Variants in FAN1 observed in about 807,000 individuals in gnomAD.
FAN1 encodes the protein fanconi-associated nuclease 1.
FAN1 carries 91 observed loss-of-function variants against 104.9 expected under a neutral mutation model. The ratio of observed to expected loss-of-function variants is 0.87; its 90% CI spans 0.73 to 1.03. FAN1 has a LOEUF of 1.03. Among genes scored for constraint, FAN1 ranks in the 50% least tolerant of loss-of-function variants. FAN1 has a pLI of 0.00. For synonymous variants in FAN1, 478 were observed against 457.6 expected (o/e 1.04, Z -0.57); for missense variants, 1,263 against 1,239.9 (o/e 1.02, Z -0.28).
intron 14 of FAN1, chr15:30,940,238 A>G: frequency 1.0e-6 from 1 of 985,320 alleles, no homozygotes; most frequent in Non-Finnish European, 1.2e-6. Context: ...TTTGACCGCT[A>G]CAGTGGTAGG....
At chr15:30,941,448 A>G in intron 14 of FAN1, 118 bp from the exon 15 acceptor site, 2 of 1,579,694 alleles carry the variant, frequency 1.3e-6, no homozygotes, top group Non-Finnish European at 1.7e-6. Flanking sequence ...CTTCCCTCAA[A>G]ATGTTCAGAA....
intron 1 of FAN1, among the ~76,000 whole-genome samples, 190 bp downstream of exon 1, chr15:30,904,201 C>T (rs1280250444): frequency 6.6e-6 from 1 of 152,186 alleles, no homozygotes; most frequent in East Asian, 1.9e-4. Context: ...CTCCATCTCA[C>T]TCAGAAAAAG....
chr15:30,936,402 CAAG>C (rs71106653), intron 13 of FAN1, among the ~76,000 whole-genome samples: 24,911 of 151,920 alleles, frequency 0.16, 2,855 homozygotes, highest in African/African-American at 0.33. Flanking sequence ...CTGGTCATGG[CAAG>C]AAGGTTAGAT....
chr15:30,916,390 A>G (rs956268144), intron 5 of FAN1, among the ~76,000 whole-genome samples: 1 of 152,168 alleles, frequency 6.6e-6, no homozygotes, highest in African/African-American at 2.4e-5. Flanking sequence ...TGCCTACTAC[A>G]TGTTCATTAT....
At chr15:30,929,654 T>C (rs1280028459) in intron 12 of FAN1, among the ~76,000 whole-genome samples, 2 of 115,906 alleles carry the variant, frequency 1.7e-5, no homozygotes, top group Admixed American at 2.2e-4. Flanking sequence ...ATATATAATA[T>C]AATATATGAA....
At chr15:30,926,650 A>G in intron 10 of FAN1, 1 of 985,176 alleles carries the variant, frequency 1.0e-6, no homozygotes, top group Non-Finnish European at 1.2e-6. Context: ...ATGCCAGTGA[A>G]GACAGAGAGA....
intron 5 of FAN1, 64 bp downstream of exon 5, chr15:30,914,155 G>C: frequency 7.9e-7 from 1 of 1,271,662 alleles, no homozygotes; most frequent in Non-Finnish European, 1.1e-6. Context: ...AAAAGGTTTT[G>C]TTATTTTTTT....
At chr15:30,915,563 AT>A (rs1328660749) in intron 5 of FAN1, among the ~76,000 whole-genome samples, 1 of 152,142 alleles carries the variant, frequency 6.6e-6, no homozygotes, top group Non-Finnish European at 1.5e-5. Context: ...GAGTCCAGAA[AT>A]TCGGGACTAG....
chr15:30,938,894 C>G (rs1287426149), intron 14 of FAN1: 2 of 984,108 alleles, frequency 2.0e-6, no homozygotes, highest in African/African-American at 3.5e-5. Context: ...TTCACCTCTT[C>G]TATCAATCAC....
chr15:30,937,951 C>T lies in FAN1; in HGVS notation c.*3+692C>T, dbSNP rs192915802. Reference sequence around the variant, plus strand: ...AATCCCAGCACTTTGGGAGGCTGAGCGAGGCAGGCGCATCATGAGGTCAAG... The same window carrying T: ...AATCCCAGCACTTTGGGAGGCTGAGTGAGGCAGGCGCATCATGAGGTCAAG... On this transcript the variant is annotated intron_variant, in intron 14 of 14. Coordinates refer to ENST00000362065, the MANE Select transcript of FAN1 (RefSeq NM_014967.5). Among the ~76,000 whole-genome samples, 1,248 of 150,884 alleles carry T rather than the reference C, an allele frequency of 8.3e-3. 13 individuals are homozygous for T. Among genetic ancestry groups the T allele is most frequent in the Non-Finnish European group, 0.013 (852 of 67,480 alleles).
chr15:30,940,270 G>A (rs1053437667), intron 14 of FAN1: 4 of 971,898 alleles, frequency 4.1e-6, no homozygotes, highest in Non-Finnish European at 4.9e-6. Context: ...CACACAGTTT[G>A]GAAATACTTT....
Position 30,936,978 on chromosome 15 carries a change from C to T in FAN1, c.2917-141C>T, listed in dbSNP as rs1000206605. ...GAACCATTGTAAGTGAAGGACCATCCGTATATTTGTGTTACACTTACAAAT... is the reference window on the plus strand; with the variant it reads ...GAACCATTGTAAGTGAAGGACCATCTGTATATTTGTGTTACACTTACAAAT... On this transcript the variant is annotated intron_variant, in intron 13 of 14. Coordinates refer to ENST00000362065, the MANE Select transcript of FAN1 (RefSeq NM_014967.5). The T allele has an allele frequency of 2.5e-5, 17 of 673,838 alleles. No individual in the cohort carries two copies. The Middle Eastern group carries it at 1.2e-3, about 49-fold the overall frequency. 41.7% of individuals were successfully genotyped at this position (673,838 alleles called of 1,614,324 possible). A position where few individuals can be genotyped will look rare whatever the true frequency, so the allele number is the denominator to read the frequency against.
intron 6 of FAN1, among the ~76,000 whole-genome samples, chr15:30,918,890 G>C (rs1358281345): frequency 2.6e-5 from 4 of 152,036 alleles, no homozygotes; most frequent in Non-Finnish European, 5.9e-5. Flanking sequence ...ATGATGCAGG[G>C]GTTGGGGTAC....
chr15:30,926,025 T>A, intron 10 of FAN1, 86 bp downstream of exon 10: 4 of 1,345,100 alleles, frequency 3.0e-6, no homozygotes, highest in Non-Finnish European at 4.2e-6. Flanking sequence ...TGGGCTGCTG[T>A]CCTCTCTCTG....
intron 12 of FAN1, among the ~76,000 whole-genome samples, 168 bp downstream of exon 12, chr15:30,929,565 C>A (rs1192460670): frequency 5.3e-4 from 61 of 115,204 alleles, no homozygotes; most frequent in Admixed American, 9.6e-4. Context: ...TATATTATAT[C>A]TTTATTATAT....
In FAN1 at chr15:30,905,148, A is replaced by T. The variant is rs1444007340; in HGVS notation, c.485A>T (p.Lys162Ile). ...AGCCTAGCATCTAAATTGTCCAGAA[A>T]ATACGTAAAGGCTAAAAAATCAATA... ...LGSLASKLSRKYVKAKKSIDK... is the reference protein window; with the variant it reads ...LGSLASKLSRIYVKAKKSIDK... Residue 162 changes from lysine to isoleucine, a missense_variant, in exon 2 of 15, where the codon AAA becomes ATA. Coordinates refer to ENST00000362065, the MANE Select transcript of FAN1 (RefSeq NM_014967.5). 6.2e-7 allele frequency: 1 copy of T among 1,613,810 alleles called. No individual in the cohort carries two copies. The highest frequency in any genetic ancestry group is 1.3e-5 in the African/African-American group (1 of 74,914).
chr15:30,914,191 C>A, intron 5 of FAN1, 100 bp downstream of exon 5: 1 of 820,652 alleles, frequency 1.2e-6, no homozygotes, highest in Non-Finnish European at 1.9e-6. Flanking sequence ...ACATTAAGTC[C>A]ACAGCCAAAA....
At chr15:30,939,506 A>T in intron 14 of FAN1, 1 of 983,306 alleles carries the variant, frequency 1.0e-6, no homozygotes, top group Non-Finnish European at 1.2e-6. Flanking sequence ...GTAGCACAAT[A>T]ATCATGATAT....
rs749557796 is a variant in FAN1 at position 30,941,608 on chromosome 15, C to T, written c.*46C>T. On this transcript the variant is annotated 3_prime_UTR_variant, in exon 15 of 15. Coordinates refer to ENST00000362065, the MANE Select transcript of FAN1 (RefSeq NM_014967.5). ...ATGGAAATGAGGAGGAGAGAAACTC[C>T]GGTGTCCCCGAGGTGTCGGTGTGGT... 1.6e-5 allele frequency: 26 copies of T among 1,600,156 alleles called. No individual in the cohort carries two copies. The highest frequency in any genetic ancestry group is 1.2e-4 in the South Asian group (11 of 89,448).
Sources: allele counts gnomAD v4.1 joint callset (sites outside exome capture counted in the v4.1 genomes callset), GRCh38; gene constraint gnomAD v4.1.1; transcripts MANE v1.5; gene names NCBI Gene and HGNC (gene_info 2026-07-23, HGNC 2026-07-21).